ZMIZ1: variants seen among roughly 807,000 people sequenced by gnomAD.
The protein encoded by ZMIZ1 is zinc finger MIZ-type containing 1.
Under a neutral mutation model 113.9 loss-of-function variants are expected in ZMIZ1, and 17 were observed. That is an observed-to-expected ratio of 0.15 (90% CI 0.10 to 0.22). The LOEUF is 0.22. Ranked by LOEUF, ZMIZ1 falls within the 10% of genes least tolerant of loss-of-function variation. The probability of loss-of-function intolerance (pLI) is 1.00; values close to 1 mark genes in which losing one functional copy is unlikely to be tolerated. For missense variants in ZMIZ1, 1,059 were observed against 1,477.8 expected (o/e 0.72, Z 4.65); for synonymous variants, 607 against 603.1 (o/e 1.01, Z -0.09).
intron 6 of ZMIZ1, 65 bp downstream of exon 6, chr10:79,208,514 G>C (rs1483006761): frequency 7.1e-7 from 1 of 1,401,224 alleles, no homozygotes; most frequent in Non-Finnish European, 9.9e-7. Flanking sequence ...TAGCGTGCCT[G>C]TCCAGGTTTC....
chr10:79,215,113 T>C (rs1164399200), intron 6 of ZMIZ1, among the ~76,000 whole-genome samples: 2 of 152,192 alleles, frequency 1.3e-5, no homozygotes, highest in African/African-American at 4.8e-5. Context: ...CCCCATTTGC[T>C]GGGGCTTAAG....
chr10:79,249,621 A>G (rs531993355), intron 7 of ZMIZ1, among the ~76,000 whole-genome samples: 1 of 152,362 alleles, frequency 6.6e-6, no homozygotes, highest in East Asian at 1.9e-4. Context: ...CATTAGTAAA[A>G]TTAAATGAAG....
rs569754456 is a variant in ZMIZ1 at position 79,119,711 on chromosome 10, T to C, written c.-227+687T>C. On this transcript the variant is annotated intron_variant, in intron 2 of 24. Transcript: ENST00000334512. ...CTTAAGAAAAAGGGAGAGGGGCTTT[T>C]ACCAGGTGACAGGCTCCTGGTGGGT... Among the ~76,000 whole-genome samples, 406 of 152,294 alleles carry C rather than the reference T, an allele frequency of 2.7e-3. 2 individuals carry two copies. Among genetic ancestry groups the C allele is most frequent in the African/African-American group, 9.6e-3 (397 of 41,570 alleles).
chr10:79,168,971 C>A (rs773219229), intron 4 of ZMIZ1, among the ~76,000 whole-genome samples: 11 of 152,246 alleles, frequency 7.2e-5, no homozygotes, highest in Non-Finnish European at 1.6e-4. Context: ...AAGTGCTTCT[C>A]ACCCTTCTTC....
chr10:79,130,951 C>T (rs2132371760), intron 2 of ZMIZ1, among the ~76,000 whole-genome samples: 1 of 152,256 alleles, frequency 6.6e-6, no homozygotes, highest in East Asian at 1.9e-4. Flanking sequence ...CCGGATTGTT[C>T]CCTCTTTGTC....
intron 7 of ZMIZ1, among the ~76,000 whole-genome samples, chr10:79,224,597 C>T (rs1220700305): frequency 2.6e-5 from 4 of 152,190 alleles, no homozygotes; most frequent in African/African-American, 9.7e-5. Context: ...GGATGGGACC[C>T]TAAGAAGGGC....
At chr10:79,255,289 T>A (rs1447646169) in intron 7 of ZMIZ1, among the ~76,000 whole-genome samples, 1 of 152,144 alleles carries the variant, frequency 6.6e-6, no homozygotes, top group Non-Finnish European at 1.5e-5. Flanking sequence ...GGCAGGCAAA[T>A]CCCAGATGGG....
At chr10:79,223,345 C>T (rs1849065871) in intron 7 of ZMIZ1, among the ~76,000 whole-genome samples, 2 of 152,340 alleles carry the variant, frequency 1.3e-5, no homozygotes, top group South Asian at 2.1e-4. Flanking sequence ...AAATGCCAGC[C>T]GCCTGGCAGG....
At chr10:79,261,953 C>G (rs551387126) in intron 7 of ZMIZ1, among the ~76,000 whole-genome samples, 2 of 152,288 alleles carry the variant, frequency 1.3e-5, no homozygotes, top group South Asian at 4.1e-4. Context: ...AGTCCTTTCT[C>G]CTGTCTCATA....
At chr10:79,142,473 C>T (rs755985595) in intron 3 of ZMIZ1, among the ~76,000 whole-genome samples, 2 of 152,100 alleles carry the variant, frequency 1.3e-5, no homozygotes, top group African/African-American at 2.4e-5. Flanking sequence ...GGGAGGGGAA[C>T]AGAAAGCAGG....
At chr10:79,301,170 G>A (rs1239115597) in intron 17 of ZMIZ1, among the ~76,000 whole-genome samples, 3 of 152,094 alleles carry the variant, frequency 2.0e-5, no homozygotes, top group Non-Finnish European at 4.4e-5. Flanking sequence ...TTCAGACGTG[G>A]CCTCTTCCCC....
At chr10:79,114,310 C>A (rs925838598) in intron 1 of ZMIZ1, among the ~76,000 whole-genome samples, 1 of 152,208 alleles carries the variant, frequency 6.6e-6, no homozygotes, top group Non-Finnish European at 1.5e-5. Flanking sequence ...AGAAATAGCA[C>A]CCATTTCGCC....
chr10:79,140,984 G>C (rs902477349), intron 3 of ZMIZ1, among the ~76,000 whole-genome samples: 1 of 152,070 alleles, frequency 6.6e-6, no homozygotes, highest in Non-Finnish European at 1.5e-5. Context: ...GTCTCACTTC[G>C]TTGTCCGGGG....
intron 3 of ZMIZ1, among the ~76,000 whole-genome samples, chr10:79,156,708 C>T (rs539706965): frequency 2.0e-5 from 3 of 152,208 alleles, no homozygotes; most frequent in African/African-American, 4.8e-5. Context: ...TTGAACCAAG[C>T]GTACCTCGGG....
chr10:79,269,600 C>T (rs1231059001), intron 7 of ZMIZ1, among the ~76,000 whole-genome samples: 1 of 152,146 alleles, frequency 6.6e-6, no homozygotes, highest in African/African-American at 2.4e-5. Context: ...CGATGACTCT[C>T]CCGCCCAGCC....
chr10:79,115,734 C>T (rs1843991824), intron 1 of ZMIZ1, among the ~76,000 whole-genome samples: 1 of 152,208 alleles, frequency 6.6e-6, no homozygotes, highest in African/African-American at 2.4e-5. Flanking sequence ...GGGCGAGAGG[C>T]CCTTAGAGGG....
intron 15 of ZMIZ1, 152 bp from the exon 16 acceptor site, chr10:79,298,898 G>C: frequency 9.8e-7 from 1 of 1,023,704 alleles, no homozygotes; most frequent in South Asian, 1.7e-5. Flanking sequence ...TGACTCACTG[G>C]TGTGCCCTTG....
chr10:79,154,458 ACTT>A (rs944521291), intron 3 of ZMIZ1, among the ~76,000 whole-genome samples: 2 of 152,106 alleles, frequency 1.3e-5, no homozygotes, highest in Non-Finnish European at 2.9e-5. Flanking sequence ...AAGAGGCAAA[ACTT>A]CTAAGAGAGG....
chr10:79,211,315 G>T (rs1228366576), intron 6 of ZMIZ1, among the ~76,000 whole-genome samples: 1 of 152,116 alleles, frequency 6.6e-6, no homozygotes, highest in Non-Finnish European at 1.5e-5. Flanking sequence ...GGGCCCTGTT[G>T]CCGGTGCCCC....
Sources: gnomAD v4.1 joint callset for allele counts (sites outside exome capture counted in the v4.1 genomes callset) on GRCh38, gnomAD v4.1.1 for gene constraint, MANE v1.5 for transcripts, NCBI Gene and HGNC (gene_info 2026-07-23, HGNC 2026-07-21) for gene names.